Variants in PFDN1 observed in about 807,000 individuals in gnomAD.
PFDN1 encodes prefoldin 1.
A neutral mutation model predicts 17.3 loss-of-function variants in PFDN1; 6 were observed. That is an observed-to-expected ratio of 0.35 (90% CI 0.19 to 0.69). The LOEUF (loss-of-function observed/expected upper bound fraction) is 0.69. PFDN1 is among the 30% of genes least tolerant of loss of function. The probability of loss-of-function intolerance (pLI) is 0.65; values close to 1 mark genes in which losing one functional copy is unlikely to be tolerated. For missense variants in PFDN1, 113 were observed against 146.2 expected (o/e 0.77, Z 1.17); for synonymous variants, 58 against 50.1 (o/e 1.16, Z -0.67).
intron 3 of PFDN1, among the ~76,000 whole-genome samples, chr5:140,272,520 C>T (rs4912708): frequency 0.29 from 43,405 of 151,282 alleles, 7,304 homozygotes; most frequent in African/African-American, 0.47. Context: ...CCACCACGCC[C>T]GGCTAATTTT....
intron 3 of PFDN1, among the ~76,000 whole-genome samples, chr5:140,269,316 T>A (rs998177857): frequency 1.3e-5 from 2 of 150,344 alleles, no homozygotes; most frequent in Non-Finnish European, 3.0e-5. Context: ...CCCAGCCTTA[T>A]AACTTTTTTT....
In PFDN1 at chr5:140,245,918, C is replaced by T. The variant is rs1357946196; in HGVS notation, c.*56G>A. The T allele has an allele frequency of 2.0e-6, 2 of 988,844 alleles. No homozygotes were observed. Among genetic ancestry groups the T allele is most frequent in the Non-Finnish European group, 3.2e-6 (2 of 634,710 alleles). 61.3% of individuals were successfully genotyped at this position (988,844 alleles called of 1,614,324 possible). Reference sequence around the variant, plus strand: ...AGAAGCTGTTTCCCTGCAGACACTCCTCTGCCCCCACCAGGAATGGGAGGG... The same window carrying T: ...AGAAGCTGTTTCCCTGCAGACACTCTTCTGCCCCCACCAGGAATGGGAGGG... On this transcript the variant is annotated 3_prime_UTR_variant, in exon 4 of 4. Transcript: ENST00000261813.
At chr5:140,274,377 TAAC>T (rs1765257151) in intron 3 of PFDN1, among the ~76,000 whole-genome samples, 1 of 152,194 alleles carries the variant, frequency 6.6e-6, no homozygotes, top group Non-Finnish European at 1.5e-5. Flanking sequence ...ACTTTTCAAA[TAAC>T]AACAAATACT....
chr5:140,269,319 CT>C (rs755675601), intron 3 of PFDN1, among the ~76,000 whole-genome samples: 407 of 139,308 alleles, frequency 2.9e-3, no homozygotes, highest in Middle Eastern at 4.1e-3. Context: ...AGCCTTATAA[CT>C]TTTTTTTTTT....
At chr5:140,256,435 T>G (rs1764986230) in intron 3 of PFDN1, among the ~76,000 whole-genome samples, 1 of 152,088 alleles carries the variant, frequency 6.6e-6, no homozygotes, top group Non-Finnish European at 1.5e-5. Flanking sequence ...TTAAACATTA[T>G]ATGACTCCTA....
chr5:140,288,379 T>G (rs1765529445), intron 2 of PFDN1, among the ~76,000 whole-genome samples: 1 of 151,528 alleles, frequency 6.6e-6, no homozygotes, highest in Admixed American at 6.6e-5. Flanking sequence ...ATAGAAACAG[T>G]AAAAAGGTCA....
intron 3 of PFDN1, among the ~76,000 whole-genome samples, chr5:140,247,930 CATG>C (rs767659090): frequency 6.0e-4 from 91 of 152,122 alleles, no homozygotes; most frequent in Non-Finnish European, 1.2e-3. Context: ...AACTCCAACT[CATG>C]GTGACCATGA....
chr5:140,261,059 G>C (rs1581084365), intron 3 of PFDN1, among the ~76,000 whole-genome samples: 1 of 151,258 alleles, frequency 6.6e-6, no homozygotes, highest in Non-Finnish European at 1.5e-5. Flanking sequence ...CTACTCAGGA[G>C]GCTAAGGCAG....
At chr5:140,271,221 C>G (rs1765200927) in intron 3 of PFDN1, among the ~76,000 whole-genome samples, 1 of 152,110 alleles carries the variant, frequency 6.6e-6, no homozygotes, top group African/African-American at 2.4e-5. Context: ...GACATAGAGA[C>G]TATATATATA....
At chr5:140,259,740 C>G (rs1165520660) in intron 3 of PFDN1, among the ~76,000 whole-genome samples, 1 of 152,146 alleles carries the variant, frequency 6.6e-6, no homozygotes, top group Admixed American at 6.5e-5. Flanking sequence ...GTGTAACTGA[C>G]GCAACTGTGG....
At chr5:140,297,103 A>G (rs1454323184) in intron 2 of PFDN1, among the ~76,000 whole-genome samples, 1 of 152,238 alleles carries the variant, frequency 6.6e-6, no homozygotes, top group Non-Finnish European at 1.5e-5. Flanking sequence ...ATAAAAGTCC[A>G]GGCAAGAAGC....
intron 3 of PFDN1, among the ~76,000 whole-genome samples, chr5:140,256,640 G>A (rs1205942174): frequency 6.5e-5 from 2 of 31,002 alleles, no homozygotes; most frequent in Admixed American, 1.0e-3. Context: ...ACTGCTCAAT[G>A]TAAAAAACAA....
At chr5:140,276,738 G>A (rs1193443955) in intron 3 of PFDN1, among the ~76,000 whole-genome samples, 42 of 124,938 alleles carry the variant, frequency 3.4e-4, no homozygotes, top group Non-Finnish European at 1.3e-4. Flanking sequence ...CCAAGATAGC[G>A]CCACTGCACT....
intron 3 of PFDN1, among the ~76,000 whole-genome samples, chr5:140,275,488 C>T (rs1765277522): frequency 6.6e-6 from 1 of 151,714 alleles, no homozygotes; most frequent in South Asian, 2.1e-4. Flanking sequence ...AACATGAGGG[C>T]AAGTAGTACC....
intron 3 of PFDN1, among the ~76,000 whole-genome samples, chr5:140,257,870 T>C (rs1765009760): frequency 6.6e-6 from 1 of 152,174 alleles, no homozygotes; most frequent in Non-Finnish European, 1.5e-5. Context: ...AACCATGGTC[T>C]TCGATGGAGG....
chr5:140,264,929 G>A (rs1378517230), intron 3 of PFDN1, among the ~76,000 whole-genome samples: 1 of 152,178 alleles, frequency 6.6e-6, no homozygotes, highest in Non-Finnish European at 1.5e-5. Flanking sequence ...ATAGGGAACA[G>A]TAAAGGTATT....
intron 3 of PFDN1, among the ~76,000 whole-genome samples, chr5:140,256,656 G>T (rs369219592): frequency 7.6e-4 from 5 of 6,548 alleles, no homozygotes; most frequent in South Asian, 0.014. Context: ...AACAAAAAAT[G>T]ACAAAAAAAA....
chr5:140,282,373 A>T (rs1765420158), intron 2 of PFDN1, among the ~76,000 whole-genome samples: 1 of 150,902 alleles, frequency 6.6e-6, no homozygotes. Context: ...GATATTTTTT[A>T]AACTATATTT....
rs1491018249 is a variant in PFDN1 at position 140,280,012 on chromosome 5, AAC to A, written c.285+1435_285+1436del. Among the ~76,000 whole-genome samples the A allele has an allele frequency of 1.3e-4, 17 of 133,236 alleles. 2 individuals carry two copies. The highest frequency in any genetic ancestry group is 2.3e-4 in the African/African-American group (8 of 34,354). The allele number at this position is 133,236 out of a possible 152,430, so 87.4% of individuals were successfully genotyped here. On this transcript the variant is annotated intron_variant, in intron 3 of 3. Transcript: ENST00000261813. Reference sequence around the variant, plus strand: ...CTCCGTCTCAAAAAAAAAAAAAAAAAACAAAAAAAGAAAAGAAAAGAAAAGAA... The same window carrying A: ...CTCCGTCTCAAAAAAAAAAAAAAAAAAAAAAAAGAAAAGAAAAGAAAAGAA...
Sources: gnomAD v4.1 joint callset for allele counts (sites outside exome capture counted in the v4.1 genomes callset) on GRCh38, gnomAD v4.1.1 for gene constraint, MANE v1.5 for transcripts, NCBI Gene and HGNC (gene_info 2026-07-23, HGNC 2026-07-21) for gene names.